TMEM255B: variants seen among roughly 807,000 people sequenced by gnomAD.
TMEM255B encodes transmembrane protein 255B, also known as family with sequence similarity 70, member B.
TMEM255B carries 35 observed loss-of-function variants against 34.5 expected under a neutral mutation model. That is an observed-to-expected ratio of 1.01 (90% confidence interval 0.77 to 1.34). TMEM255B has a LOEUF of 1.34. Among genes scored for constraint, TMEM255B ranks in the 40% most tolerant of loss-of-function variants. TMEM255B has a pLI of 0.00. For missense variants in TMEM255B, 432 were observed against 433.2 expected (o/e 1.00, Z 0.02); for synonymous variants, 206 against 201.2 (o/e 1.02, Z -0.20).
At chr13:113,792,702 G>C (rs1038752546) in intron 3 of TMEM255B, among the ~76,000 whole-genome samples, 1 of 152,192 alleles carries the variant, frequency 6.6e-6, no homozygotes, top group African/African-American at 2.4e-5. Flanking sequence ...TTAGTCAGTC[G>C]AACCAGAGCA....
intron 8 of TMEM255B, among the ~76,000 whole-genome samples, chr13:113,807,598 G>A (rs1426832729): frequency 8.1e-6 from 1 of 123,120 alleles, no homozygotes; most frequent in Non-Finnish European, 1.7e-5. Context: ...GGTCCTCCCT[G>A]TCACACGTGG....
chr13:113,794,128 C>T (rs988070535), intron 3 of TMEM255B, among the ~76,000 whole-genome samples: 10 of 152,158 alleles, frequency 6.6e-5, no homozygotes, highest in African/African-American at 1.4e-4. Flanking sequence ...AGCAGTTCCA[C>T]GTGAGGGTCA....
chr13:113,804,632 A>AGGGTGCTGGGCTTTC (rs2051130881), intron 7 of TMEM255B, among the ~76,000 whole-genome samples: 1 of 136,500 alleles, frequency 7.3e-6, no homozygotes. Context: ...CAGCCTGGGT[A>AGGGTGCTGGGCTTTC]TAAACGCACG....
chr13:113,799,250 G>A (rs2050997196), intron 4 of TMEM255B, 89 bp from the exon 5 acceptor site: 2 of 1,307,576 alleles, frequency 1.5e-6, no homozygotes, highest in Non-Finnish European at 2.2e-6. Flanking sequence ...GAGGCCCTGA[G>A]CCTGAGACCC....
chr13:113,810,496 G>A (rs2051277668), intron 8 of TMEM255B, among the ~76,000 whole-genome samples: 1 of 152,178 alleles, frequency 6.6e-6, no homozygotes, highest in Non-Finnish European at 1.5e-5. Flanking sequence ...GGGAAGCAGA[G>A]CCTATGGGAG....
At chr13:113,765,220 G>A (rs2050369864) in intron 1 of TMEM255B, among the ~76,000 whole-genome samples, 1 of 152,196 alleles carries the variant, frequency 6.6e-6, no homozygotes, top group Non-Finnish European at 1.5e-5. Flanking sequence ...TGGGTCAGCT[G>A]GATAAAAATG....
intron 5 of TMEM255B, among the ~76,000 whole-genome samples, chr13:113,800,301 C>CTGTG (rs1220505809): frequency 0.046 from 4,481 of 96,992 alleles, 147 homozygotes; most frequent in African/African-American, 0.072. Flanking sequence ...GAGGCGTCCT[C>CTGTG]TGTGTGTGTG....
At chr13:113,778,571 A>G (rs1235369326) in intron 3 of TMEM255B, among the ~76,000 whole-genome samples, 4 of 151,266 alleles carry the variant, frequency 2.6e-5, no homozygotes, top group Admixed American at 2.0e-4. Flanking sequence ...TATGACGATG[A>G]TCACCTGTGG....
chr13:113,812,306 G>T lies in TMEM255B; in HGVS notation c.*403G>T. 9.9e-6 allele frequency: 2 copies of T among 201,796 alleles called. No homozygotes were observed. Among genetic ancestry groups the T allele is most frequent in the South Asian group, 1.8e-4 (2 of 10,954 alleles). The allele number at this position is 201,796 out of a possible 1,614,324, so 12.5% of individuals were successfully genotyped here. On this transcript the variant is annotated 3_prime_UTR_variant, in exon 9 of 9. Coordinates refer to ENST00000375353, the MANE Select transcript of TMEM255B (RefSeq NM_182614.4). ...CATGTGTTGTGCGTTACACGTTCGT[G>T]TGTGCATCTGTGTCCTGGAGAAGCG... is the stretch of plus-strand genomic sequence containing the variant.
chr13:113,785,618 A>T (rs182914308), intron 3 of TMEM255B, among the ~76,000 whole-genome samples: 1 of 152,356 alleles, frequency 6.6e-6, no homozygotes, highest in Non-Finnish European at 1.5e-5. Flanking sequence ...AAATTTAGAA[A>T]TTCAGTCTCC....
intron 3 of TMEM255B, among the ~76,000 whole-genome samples, chr13:113,782,780 TGG>T (rs1375357737): frequency 1.3e-5 from 2 of 152,082 alleles, no homozygotes; most frequent in East Asian, 3.9e-4. Context: ...CACAGTTTGG[TGG>T]GGGCAGGGGT....
chr13:113,766,194 C>T lies in TMEM255B; in HGVS notation c.126C>T (p.Val42=), dbSNP rs148739793. ...LLLVSVLIVT[V]GLAATTRTEN... is the part of the protein sequence containing the mutation. ...TGGTGTCCGTCCTCATAGTCACCGT[C>T]GGGCTGGCTGCCACCACCAGGACGG... The change falls in exon 2 of 9, where the codon GTC becomes GTT. Residue 42 remains valine, a synonymous_variant. Transcript: ENST00000375353. 3.3e-5 allele frequency: 54 copies of T among 1,614,096 alleles called. No homozygotes were observed. The highest frequency in any genetic ancestry group is 4.2e-5 in the Non-Finnish European group (50 of 1,180,040).
At chr13:113,801,956 T>G (rs1594162198) in intron 7 of TMEM255B, 144 bp downstream of exon 7, 1 of 1,000,012 alleles carries the variant, frequency 1.0e-6, no homozygotes, top group Non-Finnish European at 1.4e-6. Flanking sequence ...GGTGTCAGGG[T>G]GACAGCTGGC....
intron 1 of TMEM255B, among the ~76,000 whole-genome samples, chr13:113,763,848 T>A (rs1385795184): frequency 2.0e-5 from 3 of 152,198 alleles, no homozygotes; most frequent in Non-Finnish European, 4.4e-5. Context: ...GGCTTTTAGT[T>A]CAGAAATACC....
At position 113,799,522 on chromosome 13, in the gene TMEM255B, A is replaced by G. The variant is rs1314173814; in HGVS notation, c.423+103A>G. On this transcript the variant is annotated intron_variant, in intron 5 of 8. Transcript: ENST00000375353. ...GGCGTGGTCTGAATATTTTGATTCT[A>G]ATAGTTCCTGGGGGTCACCCCTGCA... The G allele has an allele frequency of 7.1e-6, 8 of 1,128,634 alleles. No individual in the cohort carries two copies. In the Admixed American group the frequency reaches 1.4e-4, roughly 20 times the overall value. 69.9% of individuals were successfully genotyped at this position (1,128,634 alleles called of 1,614,324 possible).
At position 113,812,149 on chromosome 13, in the gene TMEM255B, T is replaced by G; in HGVS notation, c.*246T>G. The stretch of plus-strand genomic sequence containing the variant: ...TGCTCACATCAAATGGCGCTGAAAG[T>G]TCCCACCCGGCCTCCTCCTCTGAGA... On this transcript the variant is annotated 3_prime_UTR_variant, in exon 9 of 9. Transcript: ENST00000375353. The G allele has an allele frequency of 3.8e-6, 2 of 529,658 alleles. No individual in the cohort carries two copies. Among genetic ancestry groups the G allele is most frequent in the Admixed American group, 3.7e-5 (1 of 26,768 alleles). The allele number at this position is 529,658 out of a possible 1,614,324, so 32.8% of individuals were successfully genotyped here. A position where few individuals can be genotyped will look rare whatever the true frequency, so the allele number is the denominator to read the frequency against.
intron 3 of TMEM255B, among the ~76,000 whole-genome samples, chr13:113,792,835 C>A (rs1200519590): frequency 6.6e-6 from 1 of 152,270 alleles, no homozygotes; most frequent in Non-Finnish European, 1.5e-5. Context: ...CTTCTGGGAG[C>A]ATCTCAACTT....
chr13:113,765,989 C>T lies in TMEM255B; in HGVS notation c.47-126C>T, dbSNP rs1170932133. On this transcript the variant is annotated intron_variant, in intron 1 of 8. Transcript: ENST00000375353. ...TTGGGGGTGGTCCCCTGAGGTGGGC[C>T]TGGAGGCAGGCGGGGATAGTGCATC... The T allele has an allele frequency of 3.1e-6, 4 of 1,294,270 alleles. No homozygotes were observed. In the East Asian group the frequency reaches 9.4e-5, roughly 30 times the overall value. The allele number at this position is 1,294,270 out of a possible 1,614,324, so 80.2% of individuals were successfully genotyped here. A position where few individuals can be genotyped will look rare whatever the true frequency, so the allele number is the denominator to read the frequency against.
At position 113,812,801 on chromosome 13, in the gene TMEM255B, C is replaced by CCCGGGTGGG; in HGVS notation, c.*898_*899insCCGGGTGGG. The CCCGGGTGGG allele has an allele frequency of 6.3e-6, 1 of 158,418 alleles. No individual in the cohort carries two copies. Among genetic ancestry groups the CCCGGGTGGG allele is most frequent in the African/African-American group, 2.6e-5 (1 of 37,866 alleles). The allele number at this position is 158,418 out of a possible 1,614,324, so 9.8% of individuals were successfully genotyped here. A position where few individuals can be genotyped will look rare whatever the true frequency, so the allele number is the denominator to read the frequency against. ...GCCCCGGGTGGGTCACAGGACAGGTCTCAGGTGGGTCACAGGTCCTGAGTG... is the reference window on the plus strand; with the variant it reads ...GCCCCGGGTGGGTCACAGGACAGGTCCCGGGTGGGTCAGGTGGGTCACAGGTCCTGAGTG... On this transcript the variant is annotated 3_prime_UTR_variant, in exon 9 of 9. Transcript: ENST00000375353.
Sources: gnomAD v4.1 joint callset for allele counts (sites outside exome capture counted in the v4.1 genomes callset) on GRCh38, gnomAD v4.1.1 for gene constraint, MANE v1.5 for transcripts, NCBI Gene and HGNC (gene_info 2026-07-23, HGNC 2026-07-21) for gene names.